COBL: variants seen among roughly 807,000 people sequenced by gnomAD.
The protein encoded by COBL is protein cordon-bleu.
A neutral mutation model predicts 98.8 loss-of-function variants in COBL; 51 were observed. That is an observed-to-expected ratio of 0.52 (90% CI 0.41 to 0.65). The LOEUF (loss-of-function observed/expected upper bound fraction) is 0.65, where lower values mean the gene tolerates loss of function less well. Ranked by LOEUF, COBL falls within the 30% of genes least tolerant of loss-of-function variation. The pLI, the probability that COBL is intolerant of heterozygous loss-of-function variation, is 0.00. For missense variants in COBL, 1,617 were observed against 1,617.5 expected, an observed-to-expected ratio of 1.00 and a Z score of 0.01; for synonymous variants, 634 against 651.7, an observed-to-expected ratio of 0.97 and a Z score of 0.41.
chr7:51,032,100 C>A (rs941317531), intron 8 of COBL: 1 of 152,174 alleles, frequency 6.6e-6, no homozygotes. Flanking sequence ...AAACTATGTA[C>A]GGAGAGACTA....
At chr7:51,266,574 A>C (rs1268469208) in intron 1 of COBL, among the ~76,000 whole-genome samples, 1 of 152,224 alleles carries the variant, frequency 6.6e-6, no homozygotes. Context: ...GCGAGACTCC[A>C]TCTCAAAACA....
At chr7:51,241,987 G>A (rs955450085) in intron 1 of COBL, among the ~76,000 whole-genome samples, 4 of 152,282 alleles carry the variant, frequency 2.6e-5, no homozygotes, top group African/African-American at 9.6e-5. Flanking sequence ...AAAAAGACCA[G>A]AGGCTACTCC....
chr7:51,190,258 G>A (rs1055020375), intron 4 of COBL, among the ~76,000 whole-genome samples: 1 of 152,112 alleles, frequency 6.6e-6, no homozygotes, highest in South Asian at 2.1e-4. Context: ...CACCTAGGCT[G>A]AGGGCAATGG....
chr7:51,298,835 A>G (rs755277940), intron 1 of COBL, among the ~76,000 whole-genome samples: 4 of 152,228 alleles, frequency 2.6e-5, no homozygotes, highest in Non-Finnish European at 4.4e-5. Flanking sequence ...ACAAGCCTAC[A>G]GTGCCTTTGT....
intron 4 of COBL, chr7:51,187,786 A>C: frequency 1.5e-6 from 1 of 684,896 alleles, no homozygotes; most frequent in Non-Finnish European, 2.0e-6. Flanking sequence ...CACCTTCAGG[A>C]GGGCCCCAAG....
At chr7:51,021,760 C>A (rs1243008373) in intron 12 of COBL, among the ~76,000 whole-genome samples, 1 of 152,206 alleles carries the variant, frequency 6.6e-6, no homozygotes, top group Non-Finnish European at 1.5e-5. Context: ...CCTCCAGGAT[C>A]CATGCATAGC....
chr7:51,259,505 C>T, intron 1 of COBL: 1 of 640,150 alleles, frequency 1.6e-6, no homozygotes, highest in South Asian at 1.6e-5. Flanking sequence ...TGAGGAAACC[C>T]ACTCTATTTG....
At chr7:51,205,150 C>T (rs1584163256) in intron 2 of COBL, among the ~76,000 whole-genome samples, 1 of 152,076 alleles carries the variant, frequency 6.6e-6, no homozygotes, top group South Asian at 2.1e-4. Flanking sequence ...TTTACAGAAA[C>T]AGAGAAGAAA....
chr7:51,241,662 T>C (rs1563078893), intron 1 of COBL, among the ~76,000 whole-genome samples: 1 of 152,228 alleles, frequency 6.6e-6, no homozygotes, highest in Non-Finnish European at 1.5e-5. Context: ...TGAACACGTA[T>C]GGCAAGGAGA....
rs1201820346 is a variant in COBL, at chr7:51,136,045, CCAGTCGCT to C, written c.957+105_957+112del. ...AGCTTAAATACTTGCCCCCAACACT[CCAGTCGCT>C]ACAGCCACAAACATGAAGGATTACT... On this transcript the variant is annotated intron_variant, in intron 6 of 12. Coordinates refer to ENST00000265136, the MANE Select transcript of COBL (RefSeq NM_015198.5). The C allele has an allele frequency of 2.8e-5, 38 of 1,336,174 alleles. No individual in the cohort carries two copies. The Middle Eastern group carries it at 3.3e-3, about 115-fold the overall frequency. 82.8% of individuals were successfully genotyped at this position (1,336,174 alleles called of 1,614,324 possible). A position where few individuals can be genotyped will look rare whatever the true frequency, so the allele number is the denominator to read the frequency against.
At position 51,191,092 on chromosome 7, in the gene COBL, C is replaced by T. The variant is rs753637314; in HGVS notation, c.457-14G>A. The T allele has an allele frequency of 1.2e-6, 2 of 1,610,210 alleles. No individual in the cohort carries two copies. Among genetic ancestry groups the T allele is most frequent in the Middle Eastern group, 1.7e-4 (1 of 6,058 alleles). On this transcript the variant is annotated splice_polypyrimidine_tract_variant and intron_variant, in intron 3 of 12. Transcript: ENST00000265136. The stretch of plus-strand genomic sequence containing the variant: ...ACGCACAGATTTCTGGAAGAACACA[C>T]AGGCAAAAAGAATTCAGTAAGATAT...
chr7:51,138,367 T>G (rs941532640), intron 5 of COBL, among the ~76,000 whole-genome samples: 33 of 152,326 alleles, frequency 2.2e-4, no homozygotes, highest in African/African-American at 7.7e-4. Flanking sequence ...CAGGGAGGAC[T>G]CAGGGAGATG....
At chr7:51,034,229 C>G (rs1434591721) in intron 8 of COBL, 2 of 152,404 alleles carry the variant, frequency 1.3e-5, no homozygotes, top group Non-Finnish European at 2.9e-5. Flanking sequence ...GTGGGGCTGG[C>G]TCCTTGGGGC....
At chr7:51,125,812 G>A (rs1407852261) in intron 6 of COBL, among the ~76,000 whole-genome samples, 1 of 152,028 alleles carries the variant, frequency 6.6e-6, no homozygotes. Context: ...GAACATCCGC[G>A]TACTCATTCA....
intron 7 of COBL, among the ~76,000 whole-genome samples, chr7:51,061,401 C>T (rs906048593): frequency 6.6e-6 from 1 of 152,104 alleles, no homozygotes; most frequent in Non-Finnish European, 1.5e-5. Flanking sequence ...TAAACATCAA[C>T]TCAAGGACTT....
intron 1 of COBL, among the ~76,000 whole-genome samples, chr7:51,282,336 C>A (rs1799886652): frequency 6.6e-6 from 1 of 152,000 alleles, no homozygotes; most frequent in Admixed American, 6.6e-5. Context: ...AAAAAACTCA[C>A]TTTAAATATG....
intron 1 of COBL, among the ~76,000 whole-genome samples, chr7:51,243,516 GT>G (rs1173403355): frequency 1.3e-5 from 2 of 152,242 alleles, no homozygotes; most frequent in Non-Finnish European, 2.9e-5. Flanking sequence ...AAAACATGAT[GT>G]GGGGATCATG....
intron 1 of COBL, among the ~76,000 whole-genome samples, chr7:51,291,115 C>G (rs924119814): frequency 3.3e-5 from 5 of 152,126 alleles, no homozygotes; most frequent in Non-Finnish European, 7.3e-5. Flanking sequence ...CCTGTTAGAG[C>G]CAGCAAGCCA....
Position 51,166,102 on chromosome 7 carries a change from AAAT to A in COBL, c.783+17997_783+17999del, listed in dbSNP as rs371323814. 2.4e-3 allele frequency among the ~76,000 whole-genome samples: 358 copies of A among 152,124 alleles called. 3 individuals carry two copies. The South Asian group carries it at 0.037, about 16-fold the overall frequency. On this transcript the variant is annotated intron_variant, in intron 5 of 12. Coordinates refer to ENST00000265136, the MANE Select transcript of COBL (RefSeq NM_015198.5). ...CAAACCCAAAATTAGTAGGAAAAAGAAATAATAATCAGAGCAGAAATAAATGAA... is the reference window on the plus strand; with the variant it reads ...CAAACCCAAAATTAGTAGGAAAAAGAAATAATCAGAGCAGAAATAAATGAA...
Sources: gnomAD v4.1 joint callset for allele counts (sites outside exome capture counted in the v4.1 genomes callset) on GRCh38, gnomAD v4.1.1 for gene constraint, MANE v1.5 for transcripts, NCBI Gene and HGNC (gene_info 2026-07-23, HGNC 2026-07-21) for gene names.